IKBKB-DT: variants seen among roughly 807,000 people sequenced by gnomAD.
IKBKB-DT encodes IKBKB divergent transcript.
intron 3 of IKBKB-DT, among the ~76,000 whole-genome samples, chr8:42,234,747 A>G (rs1283280994): frequency 7.2e-5 from 11 of 152,016 alleles, no homozygotes; most frequent in African/African-American, 2.7e-4. Context: ...TTCGTGCCTC[A>G]GCCTCCCAAG....
At chr8:42,244,843 T>A (rs1807043942) in intron 3 of IKBKB-DT, among the ~76,000 whole-genome samples, 1 of 152,246 alleles carries the variant, frequency 6.6e-6, no homozygotes, top group Admixed American at 6.5e-5. Flanking sequence ...AGCTCTGTGC[T>A]CTAGTTTATA....
At chr8:42,258,920 A>C (rs1807243617) in intron 3 of IKBKB-DT, among the ~76,000 whole-genome samples, 1 of 152,334 alleles carries the variant, frequency 6.6e-6, no homozygotes, top group African/African-American at 2.4e-5. Flanking sequence ...GAAATTAAGC[A>C]ATCATGAACT....
intron 3 of IKBKB-DT, among the ~76,000 whole-genome samples, chr8:42,250,252 G>T (rs997465117): frequency 2.6e-5 from 4 of 152,078 alleles, no homozygotes; most frequent in African/African-American, 9.7e-5. Context: ...TGGGCACTGA[G>T]TCACTTCTGG....
chr8:42,263,582 G>A (rs1335449536), intron 2 of IKBKB-DT: 2 of 152,342 alleles, frequency 1.3e-5, no homozygotes, highest in South Asian at 2.1e-4. Context: ...ATCTAGAGGG[G>A]TGGCTTAGAA....
In IKBKB-DT at chr8:42,268,628, G is replaced by A. The variant is rs566063000; in HGVS notation, n.603+2023C>T. On this transcript the variant is annotated intron_variant and non_coding_transcript_variant, in intron 1 of 3. Transcript: ENST00000518213. The stretch of plus-strand genomic sequence containing the variant: ...GTCGCCCACGTTGTAGTGCACTGGT[G>A]CGATCTCCACTCACTGCAACCTCCA... Among the ~76,000 whole-genome samples the A allele has an allele frequency of 3.7e-4, 56 of 149,516 alleles. No individual in the cohort carries two copies. The South Asian group carries it at 8.3e-3, about 22-fold the overall frequency.
chr8:42,251,839 A>AAAAAGAAAAG (rs1554503180), intron 3 of IKBKB-DT, among the ~76,000 whole-genome samples: 1 of 151,426 alleles, frequency 6.6e-6, no homozygotes, highest in East Asian at 1.9e-4. Context: ...AAAAAAAAAA[A>AAAAAGAAAAG]AAAAGAAAAG....
At chr8:42,267,216 G>C (rs189851985) in intron 1 of IKBKB-DT, among the ~76,000 whole-genome samples, 38 of 151,924 alleles carry the variant, frequency 2.5e-4, no homozygotes, top group Non-Finnish European at 1.3e-4. Flanking sequence ...GTGTTAGCCA[G>C]GATGGTCTCC....
chr8:42,252,221 C>T (rs1378440638), intron 3 of IKBKB-DT, among the ~76,000 whole-genome samples: 9 of 152,190 alleles, frequency 5.9e-5, no homozygotes, highest in Non-Finnish European at 1.3e-4. Flanking sequence ...ACTATGCAAA[C>T]GGCACACCTG....
intron 1 of IKBKB-DT, among the ~76,000 whole-genome samples, chr8:42,267,363 C>G (rs933984340): frequency 2.0e-5 from 3 of 152,146 alleles, no homozygotes; most frequent in Admixed American, 2.0e-4. Flanking sequence ...TGCGCGAGAT[C>G]CAAGAACCCT....
Position 42,253,067 on chromosome 8 carries a change from G to A in IKBKB-DT, n.1529+10262C>T, listed in dbSNP as rs147330074. 2.0e-3 allele frequency among the ~76,000 whole-genome samples: 312 copies of A among 152,228 alleles called. 1 individual carries two copies. The highest frequency in any genetic ancestry group is 7.1e-3 in the African/African-American group (295 of 41,534). ...CCCTTCCAATCCTGAAGAGATTAAC[G>A]AAGAGTCTAGCACCTTTTAAAGATC... is the stretch of plus-strand genomic sequence containing the variant. On this transcript the variant is annotated intron_variant and non_coding_transcript_variant, in intron 3 of 3. Coordinates refer to ENST00000518213, the Ensembl canonical transcript of IKBKB-DT.
chr8:42,244,372 C>T (rs975965477), intron 3 of IKBKB-DT, among the ~76,000 whole-genome samples: 4 of 152,100 alleles, frequency 2.6e-5, no homozygotes, highest in South Asian at 2.1e-4. Flanking sequence ...GGGGGCTTCC[C>T]GGGCAGTTCC....
At chr8:42,250,071 TTTTGTTTG>T (rs141435991) in intron 3 of IKBKB-DT, among the ~76,000 whole-genome samples, 3 of 152,166 alleles carry the variant, frequency 2.0e-5, no homozygotes, top group Non-Finnish European at 4.4e-5. Context: ...AACTAGAGGT[TTTTGTTTG>T]TTTGTTTGTT....
At chr8:42,239,640 T>A (rs187099498) in intron 3 of IKBKB-DT, among the ~76,000 whole-genome samples, 3,298 of 16,228 alleles carry the variant, frequency 0.2, 85 homozygotes, top group South Asian at 0.32. Context: ...ATATATTTAT[T>A]TATTTATTCA....
chr8:42,237,990 A>G (rs1048997295), intron 3 of IKBKB-DT, among the ~76,000 whole-genome samples: 2 of 133,508 alleles, frequency 1.5e-5, no homozygotes, highest in African/African-American at 5.6e-5. Flanking sequence ...GTACCACTGC[A>G]CTCCAGCCTG....
intron 3 of IKBKB-DT, among the ~76,000 whole-genome samples, chr8:42,254,677 G>C (rs1807172113): frequency 6.7e-6 from 1 of 149,010 alleles, no homozygotes; most frequent in South Asian, 2.1e-4. Flanking sequence ...GAAGTGATGA[G>C]GGCCTCTGCC....
At chr8:42,239,580 T>C (rs1299102956) in intron 3 of IKBKB-DT, among the ~76,000 whole-genome samples, 7 of 129,192 alleles carry the variant, frequency 5.4e-5, no homozygotes. Flanking sequence ...TTGAATGGTT[T>C]CAAATGAGCC....
intron 3 of IKBKB-DT, among the ~76,000 whole-genome samples, chr8:42,258,930 T>C (rs1019251952): frequency 6.6e-6 from 1 of 152,210 alleles, no homozygotes; most frequent in Non-Finnish European, 1.5e-5. Flanking sequence ...AATCATGAAC[T>C]GTCACACTAG....
chr8:42,267,004 G>GTTTTTTTTTTTT (rs527900913), intron 1 of IKBKB-DT, among the ~76,000 whole-genome samples: 4 of 125,602 alleles, frequency 3.2e-5, no homozygotes, highest in Admixed American at 7.8e-5. Flanking sequence ...TTTTTTTTTT[G>GTTTTTTTTTTTT]TTTTTTTTTT....
In IKBKB-DT at chr8:42,261,982, A is replaced by C. The variant is rs139544418; in HGVS notation, n.1529+1347T>G. ...CGGATAGTCATGCTACATTTTTAGG[A>C]CACAAAAGGAGACAAACAGGAAAGC... is the stretch of plus-strand genomic sequence containing the variant. On this transcript the variant is annotated intron_variant and non_coding_transcript_variant, in intron 3 of 3. Transcript: ENST00000518213. Among the ~76,000 whole-genome samples the C allele has an allele frequency of 1.9e-3, 285 of 152,348 alleles. 3 individuals carry two copies. Among genetic ancestry groups the C allele is most frequent in the African/African-American group, 6.3e-3 (261 of 41,584 alleles).
Sources: gnomAD v4.1 joint callset for allele counts (sites outside exome capture counted in the v4.1 genomes callset) on GRCh38, gnomAD v4.1.1 for gene constraint, MANE v1.5 for transcripts, NCBI Gene and HGNC (gene_info 2026-07-23, HGNC 2026-07-21) for gene names.